FNDC1: variants seen among roughly 807,000 people sequenced by gnomAD.
The protein encoded by FNDC1 is fibronectin type III domain containing 1.
Under a neutral mutation model 168.0 loss-of-function variants are expected in FNDC1, and 96 were observed. The observed-to-expected ratio is 0.57, with a 90% confidence interval of 0.48 to 0.68. The LOEUF is 0.68. Ranked by LOEUF, FNDC1 falls within the 30% of genes least tolerant of loss-of-function variation. The pLI, the probability that FNDC1 is intolerant of heterozygous loss-of-function variation, is 0.00. For synonymous variants in FNDC1, 1,099 were observed against 1,025.9 expected, an observed-to-expected ratio of 1.07 and a Z score of -1.36; for missense variants, 2,587 against 2,482.1, an observed-to-expected ratio of 1.04 and a Z score of -0.90.
rs1241073656 is a variant in FNDC1, at chr6:159,232,590, C to T, written c.2078C>T (p.Pro693Leu). The stretch of plus-strand genomic sequence containing the variant: ...AGCTCTGTGCACCCCGGCGCAAAGC[C>T]AGCCTCGCCGGCCCGGAGGACCCCC... The part of the protein sequence containing the change: ...DRSSVHPGAK[P>L]ASPARRTPHS... The change falls in exon 11 of 23, where the codon CCA becomes CTA. Residue 693 changes from proline (P) to leucine (L), a missense_variant. Coordinates refer to ENST00000297267, the MANE Select transcript of FNDC1 (RefSeq NM_032532.3). The surrounding 1 kb of genome is among the most constrained non-coding windows in gnomAD (Gnocchi z 4.9). The T allele has an allele frequency of 6.2e-7, 1 of 1,608,516 alleles. No homozygotes were observed. Among genetic ancestry groups the T allele is most frequent in the Non-Finnish European group, 8.5e-7 (1 of 1,176,586 alleles).
Sources: gnomAD v4.1 joint callset for allele counts on GRCh38, gnomAD v4.1.1 for gene constraint, Gnocchi (gnomAD v3.1) non-coding constraint, MANE v1.5 for transcripts, NCBI Gene and HGNC (gene_info 2026-07-23, HGNC 2026-07-21) for gene names.